The following CELSR1 variants were observed in gnomAD, a reference collection of about 807,000 sequenced individuals.
CELSR1 encodes the protein adhesion G protein-coupled receptor C1.
CELSR1 carries 110 observed loss-of-function variants against 249.1 expected under a neutral mutation model. That is an observed-to-expected ratio of 0.44 (90% CI 0.38 to 0.52). The LOEUF (loss-of-function observed/expected upper bound fraction) is 0.52, where lower values mean the gene tolerates loss of function less well. Ranked by LOEUF, CELSR1 falls within the 20% of genes least tolerant of loss-of-function variation. The pLI is 0.00. For synonymous variants in CELSR1, 2,113 were observed against 1,900.0 expected (o/e 1.11, Z -2.92); for missense variants, 4,109 against 4,296.4 (o/e 0.96, Z 1.22).
Position 46,436,779 on chromosome 22 carries a change from G to A in CELSR1, c.4407-490C>T, listed in dbSNP as rs2147450546. On this transcript the variant is annotated intron_variant, in intron 3 of 34. Coordinates refer to ENST00000674500, the MANE Select transcript of CELSR1 (RefSeq NM_001378328.1). The surrounding 1 kb of genome is among the most constrained non-coding windows in gnomAD (Gnocchi z 5.9). ...AGCATCTTTTGGCTCCCAAACACAGGTCAAAAAGACCCCAGGGCCTTTGCA... is the reference window on the plus strand; with the variant it reads ...AGCATCTTTTGGCTCCCAAACACAGATCAAAAAGACCCCAGGGCCTTTGCA... 6.6e-6 allele frequency among the ~76,000 whole-genome samples: 1 copy of A among 151,742 alleles called. No individual in the cohort carries two copies. Among genetic ancestry groups the A allele is most frequent in the Admixed American group, 6.6e-5 (1 of 15,242 alleles).
intron 14 of CELSR1, among the ~76,000 whole-genome samples, chr22:46,392,932 A>G (rs1878413361): frequency 6.6e-6 from 1 of 152,220 alleles, no homozygotes; most frequent in Admixed American, 6.5e-5. Context: ...CTGCTCTGCC[A>G]CCCACTATGC....
intron 2 of CELSR1, among the ~76,000 whole-genome samples, chr22:46,443,721 C>A (rs2147490590): frequency 6.6e-6 from 1 of 152,356 alleles, no homozygotes; most frequent in South Asian, 2.1e-4. Flanking sequence ...CACATCCTGT[C>A]ACACACAGAT....
intron 24 of CELSR1, among the ~76,000 whole-genome samples, chr22:46,375,712 C>G (rs2078911860): frequency 6.6e-6 from 1 of 151,894 alleles, no homozygotes; most frequent in Non-Finnish European, 1.5e-5. Flanking sequence ...CCCAGCTAAT[C>G]TTTGTATTTT....
In CELSR1 at chr22:46,369,247, G is replaced by A. The variant is rs2078823207; in HGVS notation, c.7884C>T (p.Val2628=). 6.2e-7 allele frequency: 1 copy of A among 1,613,532 alleles called. No individual in the cohort carries two copies. Among genetic ancestry groups the A allele is most frequent in the Non-Finnish European group, 8.5e-7 (1 of 1,179,794 alleles). ...PIGAVIIINT[V]TSVLSAKVSC... ...AAACCTTTGCAGATAGGACAGAAGT[G>A]ACTGTGTTGATCTGAAAACAAAACA... is the stretch of plus-strand genomic sequence containing the variant. The change falls in exon 27 of 35, where the codon GTC becomes GTT. Residue 2628 remains valine, a synonymous_variant. Coordinates refer to ENST00000674500, the MANE Select transcript of CELSR1 (RefSeq NM_001378328.1).
At position 46,410,309 on chromosome 22, in the gene CELSR1, G is replaced by A; in HGVS notation, c.4933+89C>T. The A allele has an allele frequency of 1.3e-6, 2 of 1,508,586 alleles. No homozygotes were observed. Among genetic ancestry groups the A allele is most frequent in the Middle Eastern group, 2.0e-4 (1 of 5,108 alleles). 93.5% of individuals were successfully genotyped at this position (1,508,586 alleles called of 1,614,324 possible). A position where few individuals can be genotyped will look rare whatever the true frequency, so the allele number is the denominator to read the frequency against. On this transcript the variant is annotated intron_variant, in intron 7 of 34. Transcript: ENST00000674500. This position sits in a 1 kb window ranked among gnomAD's most constrained non-coding sequence, Gnocchi z 6.8. The stretch of plus-strand genomic sequence containing the variant: ...TTTCTAAGAAAAACACGGCTCCCCA[G>A]GGATCTGCAAGCAGTGACCTCTGTG...
intron 5 of CELSR1, among the ~76,000 whole-genome samples, chr22:46,414,249 T>G (rs894992669): frequency 6.6e-6 from 1 of 152,186 alleles, no homozygotes; most frequent in Admixed American, 6.5e-5. Context: ...GATGTGCTGC[T>G]CGATTCTGAC....
At position 46,508,123 on chromosome 22, in the gene CELSR1, C is replaced by T. The variant is rs540158421; in HGVS notation, c.3544+25504G>A. On this transcript the variant is annotated intron_variant, in intron 1 of 34. Transcript: ENST00000674500. ...AGCCTGTACATGCCCCTTTGTGACT[C>T]GGCCCTGCAGGCGTAGACCCCCTCC... Among the ~76,000 whole-genome samples the T allele has an allele frequency of 4.1e-4, 62 of 152,266 alleles. 2 individuals carry two copies. In the South Asian group the frequency reaches 0.012, roughly 29 times the overall value.
At chr22:46,503,320 C>T (rs892030798) in intron 1 of CELSR1, among the ~76,000 whole-genome samples, 1 of 152,236 alleles carries the variant, frequency 6.6e-6, no homozygotes, top group Non-Finnish European at 1.5e-5. Flanking sequence ...CCAGACGCTA[C>T]CAGGGCAGCT....
In CELSR1 at chr22:46,454,949, T is replaced by A. The variant is rs534842229; in HGVS notation, c.4183+8758A>T. On this transcript the variant is annotated intron_variant, in intron 2 of 34. Coordinates refer to ENST00000674500, the MANE Select transcript of CELSR1 (RefSeq NM_001378328.1). This position sits in a 1 kb window ranked among gnomAD's most constrained non-coding sequence, Gnocchi z 5.1. ...GGAAATAGGGTCTTTGTAGAGGTAA[T>A]CGACTTAGGATGAGATCATTAGGGT... Among the ~76,000 whole-genome samples, 39 of 152,330 alleles carry A rather than the reference T, an allele frequency of 2.6e-4. No homozygotes were observed. Among genetic ancestry groups the A allele is most frequent in the African/African-American group, 8.4e-4 (35 of 41,588 alleles).
Position 46,391,332 on chromosome 22 carries a change from C to A in CELSR1, c.6149-45G>T. The A allele has an allele frequency of 6.5e-7, 1 of 1,545,520 alleles. No individual in the cohort carries two copies. Among genetic ancestry groups the A allele is most frequent in the Non-Finnish European group, 8.9e-7 (1 of 1,122,462 alleles). ...AGTCTGCTCAGCGGGGCACGCCACA[C>A]CCACGACCACAAACAGGCACCACTG... On this transcript the variant is annotated intron_variant, in intron 15 of 34. Coordinates refer to ENST00000674500, the MANE Select transcript of CELSR1 (RefSeq NM_001378328.1). The surrounding 1 kb of genome is among the most constrained non-coding windows in gnomAD (Gnocchi z 4.3).
Position 46,408,263 on chromosome 22 carries a change from T to G in CELSR1, c.5226+733A>C, listed in dbSNP as rs2056169227. On this transcript the variant is annotated intron_variant, in intron 9 of 34. Transcript: ENST00000674500. This position sits in a 1 kb window ranked among gnomAD's most constrained non-coding sequence, Gnocchi z 4.6. ...AGGCAGACAGCGACAGAGCGGGGCT[T>G]TAGGCATTTCTGGGCTGAGGCATCT... is the stretch of plus-strand genomic sequence containing the variant. Among the ~76,000 whole-genome samples, 1 of 152,210 alleles carries G rather than the reference T, an allele frequency of 6.6e-6. No homozygotes were observed. Among genetic ancestry groups the G allele is most frequent in the African/African-American group, 2.4e-5 (1 of 41,460 alleles).
At chr22:46,502,280 G>A (rs2080473037) in intron 1 of CELSR1, among the ~76,000 whole-genome samples, 1 of 130,630 alleles carries the variant, frequency 7.7e-6, no homozygotes, top group Non-Finnish European at 1.6e-5. Context: ...GAAAGGGAAG[G>A]GAAGGGGAAG....
Position 46,500,413 on chromosome 22 carries a change from T to A in CELSR1, c.3544+33214A>T, listed in dbSNP as rs777827041. 8.5e-5 allele frequency among the ~76,000 whole-genome samples: 13 copies of A among 152,078 alleles called. No individual in the cohort carries two copies. The highest frequency in any genetic ancestry group is 1.0e-4 in the Non-Finnish European group (7 of 68,024). On this transcript the variant is annotated intron_variant, in intron 1 of 34. Transcript: ENST00000674500. This position sits in a 1 kb window ranked among gnomAD's most constrained non-coding sequence, Gnocchi z 4.9. ...CAGCGGTGGCGGTAACCATGGAAAC[T>A]GGCAGTCGGTGCAGGAGGGCGAACG...
At position 46,389,235 on chromosome 22, in the gene CELSR1, G is replaced by A. The variant is rs77953016; in HGVS notation, c.6555+55C>T. On this transcript the variant is annotated intron_variant, in intron 18 of 34. Transcript: ENST00000674500. The stretch of plus-strand genomic sequence containing the variant: ...GCCCAGCCCCACAGCACCCACCCAC[G>A]GGCATCCGAGTGTCCCCGAGTGTCC... 162 of 1,575,960 alleles carry A rather than the reference G, an allele frequency of 1.0e-4. No individual in the cohort carries two copies. The African/African-American group carries it at 1.8e-3, about 18-fold the overall frequency.
chr22:46,479,144 G>T (rs997210678), intron 1 of CELSR1, among the ~76,000 whole-genome samples: 1 of 151,654 alleles, frequency 6.6e-6, no homozygotes. Flanking sequence ...CCGGAGTCTC[G>T]CATGCTCACA....
At position 46,365,244 on chromosome 22, in the gene CELSR1, G is replaced by A. The variant is rs756961482; in HGVS notation, c.8541C>T (p.His2847=). ...CCACACACTCACCTTTGGGGGTGCT[G>A]TGGACGGCGCCCCTGGCCGGGTCCC... ...EKWDPARGAV[H]STPKGDAVAN... is the part of the protein sequence containing the mutation. The change falls in exon 32 of 35, where the codon CAC becomes CAT. Residue 2847 remains histidine (H), a synonymous_variant. Coordinates refer to ENST00000674500, the MANE Select transcript of CELSR1 (RefSeq NM_001378328.1). 6.2e-7 allele frequency: 1 copy of A among 1,612,050 alleles called. No individual in the cohort carries two copies. Among genetic ancestry groups the A allele is most frequent in the Non-Finnish European group, 8.5e-7 (1 of 1,179,898 alleles).
intron 2 of CELSR1, among the ~76,000 whole-genome samples, chr22:46,449,392 T>C (rs1458678228): frequency 6.7e-6 from 1 of 149,060 alleles, no homozygotes; most frequent in African/African-American, 2.5e-5. Context: ...CAACCACCCA[T>C]CACACATCCA....
rs563994367 is a variant in CELSR1, at chr22:46,484,195, C to A, written c.3545-19850G>T. On this transcript the variant is annotated intron_variant, in intron 1 of 34. Transcript: ENST00000674500. This position sits in a 1 kb window ranked among gnomAD's most constrained non-coding sequence, Gnocchi z 4.5. ...GGGAGAGCCGTTACGACGGTGGGGACGGGTCCGAGGTCTGAACTGGGCACC... is the reference window on the plus strand; with the variant it reads ...GGGAGAGCCGTTACGACGGTGGGGAAGGGTCCGAGGTCTGAACTGGGCACC... 2.0e-5 allele frequency among the ~76,000 whole-genome samples: 3 copies of A among 152,150 alleles called. No individual in the cohort carries two copies. Among genetic ancestry groups the A allele is most frequent in the African/African-American group, 7.2e-5 (3 of 41,426 alleles).
At chr22:46,456,866 G>A (rs919694618) in intron 2 of CELSR1, among the ~76,000 whole-genome samples, 2 of 134,888 alleles carry the variant, frequency 1.5e-5, no homozygotes, top group African/African-American at 2.8e-5. Flanking sequence ...GGAGGCCCTC[G>A]CAGGGACAGT....
Sources: gnomAD v4.1 joint callset for allele counts (sites outside exome capture counted in the v4.1 genomes callset) on GRCh38, gnomAD v4.1.1 for gene constraint, Gnocchi (gnomAD v3.1) non-coding constraint, MANE v1.5 for transcripts, NCBI Gene and HGNC (gene_info 2026-07-23, HGNC 2026-07-21) for gene names.